DNAH9: variants seen among roughly 807,000 people sequenced by gnomAD.
DNAH9 encodes the protein DNAH9 variant protein.
DNAH9 carries 345 observed loss-of-function variants against 471.6 expected under a neutral mutation model. The observed-to-expected ratio is 0.73, with a 90% CI of 0.67 to 0.80. The LOEUF is 0.80. Ranked by LOEUF, DNAH9 falls within the 30% of genes least tolerant of loss-of-function variation. DNAH9 has a pLI of 0.00. For missense variants in DNAH9, 5,407 were observed against 5,609.2 expected, an observed-to-expected ratio of 0.96 and a Z score of 1.15; for synonymous variants, 2,093 against 2,123.6, an observed-to-expected ratio of 0.99 and a Z score of 0.40.
intron 48 of DNAH9, among the ~76,000 whole-genome samples, chr17:11,824,200 A>G (rs1156550688): frequency 6.6e-6 from 1 of 152,174 alleles, no homozygotes; most frequent in African/African-American, 2.4e-5. Context: ...AATTTGCACA[A>G]TTAAACTAAA....
Position 11,823,012 on chromosome 17 carries a change from A to T in DNAH9, c.9224A>T (p.Lys3075Met). Residue 3075 changes from lysine to methionine, a missense_variant, in exon 48 of 69, where the codon AAG becomes ATG. Physicochemically the swap from Lys to Met is moderately conservative, Grantham distance 95. This residue lies in a region of DNAH9 where 4,636 missense variants were observed against 4,900.3 expected (regional missense o/e 0.95). Coordinates refer to ENST00000262442, the MANE Select transcript of DNAH9 (RefSeq NM_001372.4). ...GAGCGGTTGGAGAACGGGCTGCTGA[A>T]GCTGCATAGCACCTCTGCCCAGGTG... is the stretch of plus-strand genomic sequence containing the variant. ...KTERLENGLL[K>M]LHSTSAQVDD... 1 of 1,613,820 alleles carries T rather than the reference A, an allele frequency of 6.2e-7. No homozygotes were observed. Among genetic ancestry groups the T allele is most frequent in the South Asian group, 1.1e-5 (1 of 91,020 alleles).
rs143624582 is a variant in DNAH9 at position 11,933,989 on chromosome 17, G to C, written c.12407G>C (p.Arg4136Pro). The change falls in exon 65 of 69, where the codon CGA (arginine) becomes CCA (proline). Residue 4136 changes from arginine (R) to proline (P), a missense_variant. By Grantham distance (103) the Arg-to-Pro change is moderately radical (BLOSUM62 -2). Coordinates refer to ENST00000262442, the MANE Select transcript of DNAH9 (RefSeq NM_001372.4). ...AGAACCTACCTGGGGGAATTCATTC[G>C]ACCAGAAATGTTAGAAGGAGAACTG... is the stretch of plus-strand genomic sequence containing the variant. Reference protein sequence around the residue: ...LCRTYLGEFIRPEMLEGELSL... With the variant: ...LCRTYLGEFIPPEMLEGELSL... The C allele has an allele frequency of 6.2e-6, 10 of 1,614,106 alleles. No individual in the cohort carries two copies. In the Admixed American group the frequency reaches 6.7e-5, roughly 11 times the overall value.
At chr17:11,667,230 A>G (rs959481856) in intron 15 of DNAH9, among the ~76,000 whole-genome samples, 2 of 152,202 alleles carry the variant, frequency 1.3e-5, no homozygotes, top group African/African-American at 2.4e-5. Flanking sequence ...TTAATGCAGA[A>G]TATGTCATGA....
Position 11,628,168 on chromosome 17 carries a change from G to A in DNAH9, c.1351-1249G>A, listed in dbSNP as rs948327329. Among the ~76,000 whole-genome samples, 4 of 152,324 alleles carry A rather than the reference G, an allele frequency of 2.6e-5. No individual in the cohort carries two copies. The East Asian group carries it at 5.8e-4, about 22-fold the overall frequency. ...GCACACAAATTGGAAGTCATGACAA[G>A]AAACATATCTTGGTTTGGAGGTTTT... On this transcript the variant is annotated intron_variant, in intron 6 of 68. Coordinates refer to ENST00000262442, the MANE Select transcript of DNAH9 (RefSeq NM_001372.4).
intron 9 of DNAH9, among the ~76,000 whole-genome samples, chr17:11,639,977 T>C (rs1199520967): frequency 6.6e-6 from 1 of 152,202 alleles, no homozygotes. Context: ...CACTCCAGCC[T>C]GGGCGACAAG....
Position 11,875,280 on chromosome 17 carries a change from A to G in DNAH9, c.10478+96A>G, listed in dbSNP as rs193284827. 327 of 931,250 alleles carry G rather than the reference A, an allele frequency of 3.5e-4. 1 individual carries two copies. The African/African-American group carries it at 4.7e-3, about 13-fold the overall frequency. The allele number at this position is 931,250 out of a possible 1,614,324, so 57.7% of individuals were successfully genotyped here. A position where few individuals can be genotyped will look rare whatever the true frequency, so the allele number is the denominator to read the frequency against. On this transcript the variant is annotated intron_variant, in intron 53 of 68. Transcript: ENST00000262442. ...TTTAAGCCCAGTGAATGGTTTGTAC[A>G]CTCCTGGTCTCTCCATCAGGCTTCT...
At chr17:11,955,904 G>A (rs932089460) in intron 67 of DNAH9, among the ~76,000 whole-genome samples, 18 of 152,194 alleles carry the variant, frequency 1.2e-4, no homozygotes, top group Admixed American at 1.2e-3. Flanking sequence ...TTCCAAATGG[G>A]AAGTAGGTAT....
intron 50 of DNAH9, among the ~76,000 whole-genome samples, chr17:11,864,469 G>T (rs1597753762): frequency 6.7e-6 from 1 of 150,098 alleles, no homozygotes; most frequent in East Asian, 2.0e-4. Flanking sequence ...GAATAGGTGT[G>T]GTGTGGTGCT....
intron 48 of DNAH9, among the ~76,000 whole-genome samples, chr17:11,833,953 G>C (rs1400100097): frequency 1.3e-5 from 2 of 152,162 alleles, no homozygotes; most frequent in East Asian, 3.9e-4. Flanking sequence ...TATATGAAAA[G>C]TATTATGTTA....
At chr17:11,620,511 CAAA>C (rs11440277) in intron 6 of DNAH9, among the ~76,000 whole-genome samples, 4 of 119,190 alleles carry the variant, frequency 3.4e-5, no homozygotes, top group Admixed American at 9.2e-5. Flanking sequence ...GACTCTGTCT[CAAA>C]AAAAAAAAAA....
In DNAH9 at chr17:11,913,560, A is replaced by C. The variant is rs543229382; in HGVS notation, c.11749+7751A>C. On this transcript the variant is annotated intron_variant, in intron 61 of 68. Coordinates refer to ENST00000262442, the MANE Select transcript of DNAH9 (RefSeq NM_001372.4). ...CACTTTGGGAGGCCGAGGCGAGCGG[A>C]TCACGAGGTCAGGAGATCGAGACCA... Among the ~76,000 whole-genome samples the C allele has an allele frequency of 2.6e-5, 4 of 152,248 alleles. No individual in the cohort carries two copies. The South Asian group carries it at 8.3e-4, about 32-fold the overall frequency.
chr17:11,853,860 C>A, intron 49 of DNAH9, 143 bp from the exon 50 acceptor site: 1 of 747,322 alleles, frequency 1.3e-6, no homozygotes, highest in Non-Finnish European at 2.1e-6. Flanking sequence ...TTTGATGAGT[C>A]ATGATATTTA....
rs73292617 is a variant in DNAH9, at chr17:11,725,172, G to A, written c.5710-2646G>A. Among the ~76,000 whole-genome samples the A allele has an allele frequency of 5.0e-3, 710 of 140,658 alleles. 6 individuals are homozygous for A. The highest frequency in any genetic ancestry group is 0.016 in the African/African-American group (569 of 36,078). 92.3% of individuals were successfully genotyped at this position (140,658 alleles called of 152,430 possible). On this transcript the variant is annotated intron_variant, in intron 27 of 68. Transcript: ENST00000262442. ...ACCTGCTGCTCACCTCCTGCTGTGC[G>A]GCCTGGTTCCTTAACAGACCATGGA...
At chr17:11,869,347 C>T (rs1007130429) in intron 51 of DNAH9, 94 bp downstream of exon 51, 41 of 1,485,420 alleles carry the variant, frequency 2.8e-5, no homozygotes, top group Admixed American at 2.4e-4. Context: ...AGCACAGCAG[C>T]GCTTTGACTT....
Position 11,617,619 on chromosome 17 carries a change from G to A in DNAH9, c.1113G>A (p.Gln371=). The change falls in exon 5 of 69, where the codon CAG becomes CAA. Residue 371 remains glutamine (Q), a synonymous_variant. Coordinates refer to ENST00000262442, the MANE Select transcript of DNAH9 (RefSeq NM_001372.4). ...LLQEICNLLI[Q]QASNYLSPED... The stretch of plus-strand genomic sequence containing the variant: ...AGGAGATTTGCAACCTTCTCATCCA[G>A]CAGGTGGGCTGCCCTGGGATGCCCA... 6.2e-7 allele frequency: 1 copy of A among 1,613,612 alleles called. No homozygotes were observed. The highest frequency in any genetic ancestry group is 8.5e-7 in the Non-Finnish European group (1 of 1,179,808).
intron 67 of DNAH9, among the ~76,000 whole-genome samples, chr17:11,945,714 A>G (rs978583428): frequency 6.6e-6 from 1 of 151,904 alleles, no homozygotes; most frequent in Non-Finnish European, 1.5e-5. Context: ...TCAGGTGACA[A>G]GTGCACTAAA....
intron 43 of DNAH9, among the ~76,000 whole-genome samples, chr17:11,806,782 A>G (rs1969703268): frequency 6.6e-6 from 1 of 152,172 alleles, no homozygotes; most frequent in Non-Finnish European, 1.5e-5. Flanking sequence ...TTTTTTCTGT[A>G]TTGTACGCAT....
intron 15 of DNAH9, 129 bp from the exon 16 acceptor site, chr17:11,668,935 T>C: frequency 3.0e-6 from 2 of 675,184 alleles, no homozygotes; most frequent in South Asian, 2.0e-5. Context: ...AAATTTTACA[T>C]TTCCGTTTCC....
intron 1 of DNAH9, among the ~76,000 whole-genome samples, chr17:11,605,494 G>A (rs1012415247): frequency 2.6e-4 from 39 of 151,742 alleles, no homozygotes; most frequent in African/African-American, 8.7e-4. Context: ...TGTTGTTGTT[G>A]TTGTTGTTGT....
Sources: allele counts gnomAD v4.1 joint callset (sites outside exome capture counted in the v4.1 genomes callset), GRCh38; gene constraint gnomAD v4.1.1; regional missense constraint gnomAD v4.1.1; transcripts MANE v1.5; gene names NCBI Gene and HGNC (gene_info 2026-07-23, HGNC 2026-07-21).